Variants in CDH8 observed in about 807,000 individuals in gnomAD.
The protein encoded by CDH8 is cadherin 8, also known as cadherin-8.
CDH8 carries 17 observed loss-of-function variants against 68.1 expected under a neutral mutation model. That is an observed-to-expected ratio of 0.25 (90% confidence interval 0.17 to 0.37). The LOEUF (loss-of-function observed/expected upper bound fraction) is 0.37, where lower values mean the gene tolerates loss of function less well. Among genes scored for constraint, CDH8 ranks in the 10% least tolerant of loss-of-function variants. The pLI is 1.00. For synonymous variants in CDH8, 372 were observed against 365.1 expected (o/e 1.02, Z -0.21); for missense variants, 763 against 999.3 (o/e 0.76, Z 3.19).
chr16:61,979,055 G>GAAA (rs201715855), intron 2 of CDH8, among the ~76,000 whole-genome samples: 71 of 109,602 alleles, frequency 6.5e-4, no homozygotes, highest in Non-Finnish European at 1.2e-3. Flanking sequence ...CTTCTAGAAA[G>GAAA]AAAAAAAAAA....
chr16:61,800,816 G>T (rs568816854), intron 7 of CDH8, among the ~76,000 whole-genome samples: 1 of 121,044 alleles, frequency 8.3e-6, no homozygotes, highest in Non-Finnish European at 1.7e-5. Flanking sequence ...AGTCAAATCT[G>T]ATTGTCCTTA....
intron 2 of CDH8, among the ~76,000 whole-genome samples, chr16:61,978,155 T>C (rs532561697): frequency 6.6e-6 from 1 of 152,304 alleles, no homozygotes; most frequent in African/African-American, 2.4e-5. Context: ...TATTAAAATC[T>C]TTACAGAACT....
At chr16:61,998,550 TG>T (rs1297011567) in intron 2 of CDH8, among the ~76,000 whole-genome samples, 1 of 152,174 alleles carries the variant, frequency 6.6e-6, no homozygotes, top group Non-Finnish European at 1.5e-5. Flanking sequence ...AAAGCTGATA[TG>T]GACTTCAATG....
At chr16:61,690,229 G>A (rs1204099166) in intron 10 of CDH8, among the ~76,000 whole-genome samples, 2 of 152,036 alleles carry the variant, frequency 1.3e-5, no homozygotes, top group Non-Finnish European at 2.9e-5. Context: ...TGAGAAGGAG[G>A]TCTAAAGATA....
intron 9 of CDH8, among the ~76,000 whole-genome samples, chr16:61,721,441 C>T (rs918158507): frequency 8.0e-5 from 12 of 150,658 alleles, no homozygotes; most frequent in African/African-American, 2.7e-4. Context: ...TTATAAAGTG[C>T]CATAACTTCA....
At chr16:61,992,449 G>A (rs1206202395) in intron 2 of CDH8, among the ~76,000 whole-genome samples, 2 of 116,660 alleles carry the variant, frequency 1.7e-5, no homozygotes, top group Non-Finnish European at 3.4e-5. Context: ...TGTGGGGTGG[G>A]GGGAGGGGGG....
At chr16:61,843,296 G>A (rs568188935) in intron 4 of CDH8, among the ~76,000 whole-genome samples, 1 of 152,292 alleles carries the variant, frequency 6.6e-6, no homozygotes, top group South Asian at 2.1e-4. Flanking sequence ...GTAATATTTG[G>A]CTTAATGCCC....
intron 10 of CDH8, among the ~76,000 whole-genome samples, chr16:61,697,563 G>A (rs530664967): frequency 6.6e-6 from 1 of 151,386 alleles, no homozygotes; most frequent in East Asian, 1.9e-4. Context: ...GTGCCATCTC[G>A]GCTCACTGCA....
chr16:61,716,922 T>C (rs772275743), intron 9 of CDH8, among the ~76,000 whole-genome samples: 6 of 151,802 alleles, frequency 4.0e-5, no homozygotes, highest in African/African-American at 7.2e-5. Context: ...TGCACTTAGC[T>C]TTAAACAGTA....
intron 3 of CDH8, among the ~76,000 whole-genome samples, chr16:61,879,366 A>T (rs891391153): frequency 5.9e-5 from 9 of 152,244 alleles, no homozygotes; most frequent in Admixed American, 1.3e-4. Flanking sequence ...AATTTGGTTC[A>T]TGTAGAAAGA....
intron 8 of CDH8, among the ~76,000 whole-genome samples, chr16:61,787,938 T>C (rs1382891689): frequency 4.2e-5 from 1 of 23,962 alleles, no homozygotes; most frequent in African/African-American, 3.1e-4. Context: ...CTGGGGACTG[T>C]GGTGGGGGGG....
At chr16:61,844,792 A>G (rs1415316284) in intron 4 of CDH8, among the ~76,000 whole-genome samples, 1 of 152,212 alleles carries the variant, frequency 6.6e-6, no homozygotes, top group Non-Finnish European at 1.5e-5. Context: ...AAAGTTACGT[A>G]TAGTGAGAAA....
intron 2 of CDH8, among the ~76,000 whole-genome samples, chr16:61,959,523 C>CTCT (rs1965043958): frequency 7.5e-6 from 1 of 133,526 alleles, no homozygotes; most frequent in African/African-American, 2.9e-5. Flanking sequence ...CCTTATCCTC[C>CTCT]CTCTCTCTCT....
At chr16:61,680,657 A>T (rs568694357) in intron 10 of CDH8, among the ~76,000 whole-genome samples, 1 of 151,906 alleles carries the variant, frequency 6.6e-6, no homozygotes, top group Admixed American at 6.6e-5. Flanking sequence ...ACACACACAC[A>T]ATTGGCACCT....
rs1242185645 is a variant in CDH8 at position 61,825,032 on chromosome 16, T to C, written c.815A>G (p.Asn272Ser). ...LTVTLTDVND[N>S]PPKFAQSLYH... ...CTTACTCTGTGCAAATTTTGGAGGA[T>C]TGTCATTAACATCAGTAAGAGTCAC... The change falls in exon 5 of 12, where the codon AAT becomes AGT. Residue 272 changes from asparagine (N) to serine (S), a missense_variant. Asn to Ser is a conservative substitution (Grantham distance 46). Coordinates refer to ENST00000577390, the MANE Select transcript of CDH8 (RefSeq NM_001796.5). 6.2e-7 allele frequency: 1 copy of C among 1,611,522 alleles called. No individual in the cohort carries two copies.
intron 10 of CDH8, among the ~76,000 whole-genome samples, chr16:61,660,075 G>A (rs1963525745): frequency 6.6e-6 from 1 of 152,116 alleles, no homozygotes; most frequent in East Asian, 1.9e-4. Flanking sequence ...GAGATTCCCT[G>A]AAGTGAAACA....
chr16:61,777,320 T>C (rs970937354), intron 8 of CDH8, among the ~76,000 whole-genome samples: 1 of 152,172 alleles, frequency 6.6e-6, no homozygotes, highest in Non-Finnish European at 1.5e-5. Context: ...AGCTACCAGT[T>C]AGCAGCAACT....
chr16:61,902,524 T>C (rs915688287), intron 2 of CDH8, among the ~76,000 whole-genome samples: 2 of 150,336 alleles, frequency 1.3e-5, no homozygotes, highest in African/African-American at 2.4e-5. Flanking sequence ...TCAGTTTAAC[T>C]CAGTTACTTA....
At chr16:61,738,488 T>G (rs1959767976) in intron 8 of CDH8, among the ~76,000 whole-genome samples, 5 of 152,174 alleles carry the variant, frequency 3.3e-5, no homozygotes, top group Admixed American at 3.3e-4. Flanking sequence ...TGTAAAATTT[T>G]AATCCGATGG....
Sources: allele counts gnomAD v4.1 joint callset (sites outside exome capture counted in the v4.1 genomes callset), GRCh38; gene constraint gnomAD v4.1.1; transcripts MANE v1.5; gene names NCBI Gene and HGNC (gene_info 2026-07-23, HGNC 2026-07-21).